The following IL12RB2 variants were observed in gnomAD, a reference collection of about 807,000 sequenced individuals.
IL12RB2 encodes interleukin-12 receptor subunit beta-2.
IL12RB2 carries 82 observed loss-of-function variants against 89.4 expected under a neutral mutation model. The ratio of observed to expected loss-of-function variants is 0.92; its 90% CI spans 0.77 to 1.10. The LOEUF (loss-of-function observed/expected upper bound fraction) is 1.10. Ranked by LOEUF, IL12RB2 falls within the 50% of genes least tolerant of loss-of-function variation. The probability of loss-of-function intolerance (pLI) is 0.00; values close to 1 mark genes in which losing one functional copy is unlikely to be tolerated. For missense variants in IL12RB2, 963 were observed against 1,031.9 expected (o/e 0.93, Z 0.92); for synonymous variants, 368 against 370.1 (o/e 0.99, Z 0.07).
chr1:67,338,813 A>C, intron 9 of IL12RB2, 110 bp downstream of exon 9: 5 of 724,870 alleles, frequency 6.9e-6, no homozygotes, highest in Non-Finnish European at 7.7e-6. Flanking sequence ...GCTAGAGCTC[A>C]TTTTCTCACA....
chr1:67,327,030 G>A (rs528125040), intron 5 of IL12RB2, among the ~76,000 whole-genome samples, 181 bp downstream of exon 5: 44 of 150,864 alleles, frequency 2.9e-4, no homozygotes, highest in South Asian at 1.3e-3. Context: ...GCGCAATCTC[G>A]GCTCACTGCA....
At position 67,321,865 on chromosome 1, in the gene IL12RB2, T is replaced by G. The variant is rs371858288; in HGVS notation, c.340T>G (p.Cys114Gly). Residue 114 changes from cysteine (C) to glycine (G), a missense_variant, in exon 4 of 17, where the codon TGT (cysteine) becomes GGT (glycine). Coordinates refer to ENST00000674203, the MANE Select transcript of IL12RB2 (RefSeq NM_001374259.2). ...ACINSDEIQI[C>G]GAEIFVGVAP... ...TATCAATAGTGATGAAATTCAAATATGTGGAGCAGAGATCTTCGTTGGTGG... is the reference window on the plus strand; with the variant it reads ...TATCAATAGTGATGAAATTCAAATAGGTGGAGCAGAGATCTTCGTTGGTGG... 4 of 1,613,910 alleles carry G rather than the reference T, an allele frequency of 2.5e-6. No individual in the cohort carries two copies. Among genetic ancestry groups the G allele is most frequent in the African/African-American group, 1.3e-5 (1 of 74,928 alleles).
At chr1:67,367,366 G>A (rs569033408) in intron 10 of IL12RB2, among the ~76,000 whole-genome samples, 1 of 151,244 alleles carries the variant, frequency 6.6e-6, no homozygotes, top group Non-Finnish European at 1.5e-5. Context: ...CTGCACTCCA[G>A]CCTGGGTGAC....
chr1:67,397,462 G>C lies in IL12RB2; in HGVS notation c.*1373G>C, dbSNP rs1008427603. On this transcript the variant is annotated 3_prime_UTR_variant, in exon 17 of 17. Transcript: ENST00000674203. ...AAGTGGTCTGTCCCCTGTTCCCAAAGGCACAGCTTTCATTCCCGGAGAAGA... is the reference window on the plus strand; with the variant it reads ...AAGTGGTCTGTCCCCTGTTCCCAAACGCACAGCTTTCATTCCCGGAGAAGA... 3.3e-5 allele frequency among the ~76,000 whole-genome samples: 5 copies of C among 152,132 alleles called. No individual in the cohort carries two copies. The highest frequency in any genetic ancestry group is 1.2e-4 in the African/African-American group (5 of 41,420).
rs1248042010 is a variant in IL12RB2 at position 67,357,718 on chromosome 1, C to T, written c.1258+6629C>T. Among the ~76,000 whole-genome samples the T allele has an allele frequency of 3.3e-5, 5 of 152,024 alleles. No homozygotes were observed. In the East Asian group the frequency reaches 9.7e-4, roughly 29 times the overall value. On this transcript the variant is annotated intron_variant, in intron 10 of 16. Transcript: ENST00000674203. ...AAACTCCAATATATTTAAGAGAATG[C>T]AAGGAAAGTTTAGTTATTGAAACAG...
rs1666464989 is a variant in IL12RB2, at chr1:67,398,088, T to C, written c.*1999T>C. On this transcript the variant is annotated 3_prime_UTR_variant, in exon 17 of 17. Transcript: ENST00000674203. ...CTCAGGCTTTTTTTGAAAAGTTCCTTCGTTTCTATTTCTATTCCACTCTAT... is the reference window on the plus strand; with the variant it reads ...CTCAGGCTTTTTTTGAAAAGTTCCTCCGTTTCTATTTCTATTCCACTCTAT... 6.6e-6 allele frequency among the ~76,000 whole-genome samples: 1 copy of C among 152,194 alleles called. No individual in the cohort carries two copies.
At chr1:67,330,169 A>T (rs2100675935) in intron 7 of IL12RB2, among the ~76,000 whole-genome samples, 1 of 152,242 alleles carries the variant, frequency 6.6e-6, no homozygotes, top group Admixed American at 6.5e-5. Flanking sequence ...TAGGATTATG[A>T]TTCTTTCCGG....
rs17129965 is a variant in IL12RB2, at chr1:67,389,602, G to A, written c.1947-427G>A. Among the ~76,000 whole-genome samples, 1,374 of 151,952 alleles carry A rather than the reference G, an allele frequency of 9.0e-3. 13 individuals carry two copies. Among genetic ancestry groups the A allele is most frequent in the Middle Eastern group, 0.024 (7 of 294 alleles). On this transcript the variant is annotated intron_variant, in intron 15 of 16. Transcript: ENST00000674203. The stretch of plus-strand genomic sequence containing the variant: ...AGCTATTTATACCATTTTGAATCCC[G>A]TCTTTTTTTCAACTGTTCACATAAT...
intron 14 of IL12RB2, among the ~76,000 whole-genome samples, chr1:67,385,718 C>T (rs892125824): frequency 4.6e-5 from 7 of 152,194 alleles, no homozygotes; most frequent in African/African-American, 1.7e-4. Context: ...AGAATAGGCA[C>T]AATTTCAAAC....
Position 67,395,856 on chromosome 1 carries a change from T to C in IL12RB2, c.2356T>C (p.Trp786Arg). 1 of 1,610,360 alleles carries C rather than the reference T, an allele frequency of 6.2e-7. No individual in the cohort carries two copies. Among genetic ancestry groups the C allele is most frequent in the Non-Finnish European group, 8.5e-7 (1 of 1,177,084 alleles). ...DPKPENPACP[W>R]TVLPAGDLPT... ...AAAGCCCGAAAACCCAGCCTGTCCC[T>C]GGACGGTGCTCCCAGCAGGTGACCT... The change falls in exon 17 of 17, where the codon TGG becomes CGG. Residue 786 changes from tryptophan to arginine, a missense_variant. Physicochemically the swap from Trp to Arg is moderately radical, Grantham distance 101. Transcript: ENST00000674203.
intron 8 of IL12RB2, among the ~76,000 whole-genome samples, chr1:67,331,731 C>T (rs1224298560): frequency 1.3e-5 from 2 of 152,010 alleles, no homozygotes; most frequent in East Asian, 1.9e-4. Context: ...CCCAGCCATT[C>T]GGGAGGCTAA....
In IL12RB2 at chr1:67,396,307, C is replaced by A; in HGVS notation, c.*218C>A. On this transcript the variant is annotated 3_prime_UTR_variant, in exon 17 of 17. Transcript: ENST00000674203. Reference sequence around the variant, plus strand: ...TGCCTTTCCCAGGGCCTTAAAATTACATCCTTCACTGTGTGGACCTAGAGA... The same window carrying A: ...TGCCTTTCCCAGGGCCTTAAAATTAAATCCTTCACTGTGTGGACCTAGAGA... 1 of 623,168 alleles carries A rather than the reference C, an allele frequency of 1.6e-6. No individual in the cohort carries two copies. The highest frequency in any genetic ancestry group is 2.9e-6 in the Non-Finnish European group (1 of 347,140). The allele number at this position is 623,168 out of a possible 1,614,324, so 38.6% of individuals were successfully genotyped here.
At position 67,372,742 on chromosome 1, in the gene IL12RB2, A is replaced by G; in HGVS notation, c.1676A>G (p.Tyr559Cys). The change falls in exon 13 of 17, where the codon TAC becomes TGC. Residue 559 changes from tyrosine to cysteine, a missense_variant. By Grantham distance (194) the Tyr-to-Cys change is radical (BLOSUM62 -2). Coordinates refer to ENST00000674203, the MANE Select transcript of IL12RB2 (RefSeq NM_001374259.2). ...GGCTGCCTCCTCCATTATAGGATAT[A>G]CTGGAAGGAACGGGACTCCAACTCC... Reference protein sequence around the residue: ...QMGCLLHYRIYWKERDSNSQP... With the variant: ...QMGCLLHYRICWKERDSNSQP... 6.2e-7 allele frequency: 1 copy of G among 1,608,646 alleles called. No homozygotes were observed.
At chr1:67,384,823 G>T (rs1402790385) in intron 14 of IL12RB2, among the ~76,000 whole-genome samples, 2 of 152,186 alleles carry the variant, frequency 1.3e-5, no homozygotes, top group Non-Finnish European at 2.9e-5. Flanking sequence ...TTCCCAACAA[G>T]TTCCTTGTCT....
rs1664428983 is a variant in IL12RB2, at chr1:67,380,194, G to A, written c.1855+71G>A. ...ACAGGCATGCACTCCTATTACATTT[G>A]GTATAGAGATAATCAGATTTTCTTT... On this transcript the variant is annotated intron_variant, in intron 14 of 16. Transcript: ENST00000674203. 3 of 1,486,968 alleles carry A rather than the reference G, an allele frequency of 2.0e-6. No individual in the cohort carries two copies. In the African/African-American group the frequency reaches 4.1e-5, roughly 20 times the overall value. 92.1% of individuals were successfully genotyped at this position (1,486,968 alleles called of 1,614,324 possible). A position where few individuals can be genotyped will look rare whatever the true frequency, so the allele number is the denominator to read the frequency against.
rs559283470 is a variant in IL12RB2, at chr1:67,361,597, G to A, written c.1259-6228G>A. On this transcript the variant is annotated intron_variant, in intron 10 of 16. Transcript: ENST00000674203. The stretch of plus-strand genomic sequence containing the variant: ...GCTTGAAGATATGTCAATAGAAACC[G>A]CTAAAACTGAAAAGCAAAGAGAACA... Among the ~76,000 whole-genome samples the A allele has an allele frequency of 9.9e-5, 15 of 152,124 alleles. No individual in the cohort carries two copies. In the South Asian group the frequency reaches 3.1e-3, roughly 32 times the overall value.
At chr1:67,362,292 C>T (rs1662145597) in intron 10 of IL12RB2, among the ~76,000 whole-genome samples, 1 of 151,200 alleles carries the variant, frequency 6.6e-6, no homozygotes, top group South Asian at 2.1e-4. Flanking sequence ...AGAGGCCGGG[C>T]GCGGTGGCTC....
rs1553124385 is a variant in IL12RB2 at position 67,367,495 on chromosome 1, G to GGAAGGAAGCAAA, written c.1259-323_1259-322insGCAAAGAAGGAA. On this transcript the variant is annotated intron_variant, in intron 10 of 16. Transcript: ENST00000674203. ...AGGAAGGAAGGAAGGAAGCAAAGAA[G>GGAAGGAAGCAAA]GAAGGAAAGAAGGAAGGAAGGGGGA... Among the ~76,000 whole-genome samples the GGAAGGAAGCAAA allele has an allele frequency of 2.7e-3, 356 of 133,394 alleles. 2 individuals carry two copies. The highest frequency in any genetic ancestry group is 9.2e-3 in the African/African-American group (339 of 36,688). 87.5% of individuals were successfully genotyped at this position (133,394 alleles called of 152,430 possible). A position where few individuals can be genotyped will look rare whatever the true frequency, so the allele number is the denominator to read the frequency against.
chr1:67,388,619 C>T lies in IL12RB2; in HGVS notation c.1947-1410C>T, dbSNP rs1665481791. On this transcript the variant is annotated intron_variant, in intron 15 of 16. Transcript: ENST00000674203. ...TCAGTCTCCCAAAGTGCTGGGATTA[C>T]AGGCGTGAGCCACCGCACCCAGCCT... 2.0e-5 allele frequency among the ~76,000 whole-genome samples: 3 copies of T among 152,204 alleles called. No homozygotes were observed. In the South Asian group the frequency reaches 6.2e-4, roughly 32 times the overall value.
Sources: gnomAD v4.1 joint callset for allele counts (sites outside exome capture counted in the v4.1 genomes callset) on GRCh38, gnomAD v4.1.1 for gene constraint, MANE v1.5 for transcripts, NCBI Gene and HGNC (gene_info 2026-07-23, HGNC 2026-07-21) for gene names.